The following RNF115 variants were observed in gnomAD, a reference collection of about 807,000 sequenced individuals.
The protein encoded by RNF115 is E3 ubiquitin-protein ligase RNF115.
Under a neutral mutation model 39.2 loss-of-function variants are expected in RNF115, and 31 were observed. That is an observed-to-expected ratio of 0.79 (90% confidence interval 0.59 to 1.07). The LOEUF is 1.07. Ranked by LOEUF, RNF115 falls within the 50% of genes least tolerant of loss-of-function variation. RNF115 has a pLI of 0.00. For missense variants in RNF115, 384 were observed against 381.7 expected (o/e 1.01, Z -0.05); for synonymous variants, 124 against 131.0 (o/e 0.95, Z 0.37).
At chr1:145,783,319 A>T (rs1307045191) in intron 3 of RNF115, among the ~76,000 whole-genome samples, 1 of 152,240 alleles carries the variant, frequency 6.6e-6, no homozygotes, top group Non-Finnish European at 1.5e-5. Flanking sequence ...AGCACAGACC[A>T]TAAGCAGAAA....
intron 3 of RNF115, among the ~76,000 whole-genome samples, chr1:145,777,881 T>C (rs1186759150): frequency 1.3e-5 from 2 of 152,218 alleles, no homozygotes; most frequent in East Asian, 3.8e-4. Flanking sequence ...CAGAACTTGC[T>C]CTACACTAAC....
At chr1:145,807,250 G>A (rs1553721718) in intron 1 of RNF115, among the ~76,000 whole-genome samples, 1 of 152,124 alleles carries the variant, frequency 6.6e-6, no homozygotes, top group African/African-American at 2.4e-5. Flanking sequence ...TCACACTCAG[G>A]AATAGAAATA....
intron 2 of RNF115, among the ~76,000 whole-genome samples, chr1:145,787,557 G>A (rs782702212): frequency 1.0e-4 from 13 of 127,564 alleles, no homozygotes; most frequent in Non-Finnish European, 1.8e-4. Context: ...GGGCAAAAGA[G>A]TGAGACTCCG....
chr1:145,783,832 T>TAA, intron 3 of RNF115, among the ~76,000 whole-genome samples: 1 of 149,060 alleles, frequency 6.7e-6, no homozygotes, highest in East Asian at 1.9e-4. Flanking sequence ...TTTCTTTTTT[T>TAA]AAAAAAAAAA....
Position 145,744,139 on chromosome 1 carries a change from A to G in RNF115, c.*2727T>C, listed in dbSNP as rs1225416903. 1 of 152,282 alleles carries G rather than the reference A, an allele frequency of 6.6e-6. No homozygotes were observed. Among genetic ancestry groups the G allele is most frequent in the Non-Finnish European group, 1.5e-5 (1 of 68,050 alleles). The allele number at this position is 152,282 out of a possible 1,614,324, so 9.4% of individuals were successfully genotyped here. A position where few individuals can be genotyped will look rare whatever the true frequency, so the allele number is the denominator to read the frequency against. On this transcript the variant is annotated 3_prime_UTR_variant, in exon 9 of 9. Coordinates refer to ENST00000582693, the MANE Select transcript of RNF115 (RefSeq NM_014455.4). ...GGCATTGGTTCTCTATCTGTACGTA[A>G]AACTACAACTGCCTGTCCTGGCATC...
At chr1:145,747,414 G>C (rs868931800) in intron 8 of RNF115, among the ~76,000 whole-genome samples, 15 of 152,166 alleles carry the variant, frequency 9.9e-5, no homozygotes, top group Admixed American at 6.5e-4. Flanking sequence ...TACTTTGGGA[G>C]GCCGAGGCAG....
intron 1 of RNF115, among the ~76,000 whole-genome samples, chr1:145,801,499 A>G (rs984814339): frequency 1.3e-5 from 2 of 152,170 alleles, no homozygotes; most frequent in Non-Finnish European, 1.5e-5. Flanking sequence ...CAGGAGGCAG[A>G]GGTTGCAGTG....
chr1:145,799,019 C>A lies in RNF115; in HGVS notation c.103-10053G>T, dbSNP rs113943806. 2.7e-3 allele frequency among the ~76,000 whole-genome samples: 401 copies of A among 149,486 alleles called. 3 individuals carry two copies. Among genetic ancestry groups the A allele is most frequent in the African/African-American group, 9.1e-3 (374 of 40,948 alleles). ...GTTGATTTTGTATCCTGCAACTTTG[C>A]TGAATTCATTTATTAGTTATAACAG... On this transcript the variant is annotated intron_variant, in intron 1 of 8. Coordinates refer to ENST00000582693, the MANE Select transcript of RNF115 (RefSeq NM_014455.4).
chr1:145,794,773 T>C (rs1459036743), intron 1 of RNF115, among the ~76,000 whole-genome samples: 1 of 151,792 alleles, frequency 6.6e-6, no homozygotes, highest in Non-Finnish European at 1.5e-5. Flanking sequence ...ATTCTAGCAC[T>C]TTGGGAGGCC....
At chr1:145,784,666 G>T in intron 2 of RNF115, 70 bp from the exon 3 acceptor site, 1 of 1,351,644 alleles carries the variant, frequency 7.4e-7, no homozygotes, top group South Asian at 1.2e-5. Flanking sequence ...GCTAAATATA[G>T]AATGGCATAA....
At chr1:145,803,353 T>C (rs1649331289) in intron 1 of RNF115, among the ~76,000 whole-genome samples, 1 of 152,126 alleles carries the variant, frequency 6.6e-6, no homozygotes, top group African/African-American at 2.4e-5. Context: ...TATGGTTTCA[T>C]CCCCCTAAGA....
At position 145,810,659 on chromosome 1, in the gene RNF115, T is replaced by C. The variant is rs1220908008; in HGVS notation, c.102+13113A>G. Among the ~76,000 whole-genome samples, 5 of 142,230 alleles carry C rather than the reference T, an allele frequency of 3.5e-5. No homozygotes were observed. In the South Asian group the frequency reaches 1.2e-3, roughly 33 times the overall value. The allele number at this position is 142,230 out of a possible 152,430, so 93.3% of individuals were successfully genotyped here. ...GTGCCCCGGGACTTAAAATAAAAGT[T>C]GCAGAAAAAAAAAAAAGTGTTACTG... On this transcript the variant is annotated intron_variant, in intron 1 of 8. Transcript: ENST00000582693.
intron 3 of RNF115, among the ~76,000 whole-genome samples, chr1:145,779,841 T>G (rs1648045143): frequency 6.6e-6 from 1 of 151,942 alleles, no homozygotes; most frequent in Non-Finnish European, 1.5e-5. Flanking sequence ...TTTTGTATTT[T>G]TAGTAAAGAC....
At chr1:145,803,933 A>G (rs1402777921) in intron 1 of RNF115, among the ~76,000 whole-genome samples, 1 of 152,228 alleles carries the variant, frequency 6.6e-6, no homozygotes, top group Non-Finnish European at 1.5e-5. Flanking sequence ...CTCAGACAAC[A>G]TAATATAGCA....
chr1:145,804,204 A>T (rs1649368149), intron 1 of RNF115, among the ~76,000 whole-genome samples: 1 of 152,218 alleles, frequency 6.6e-6, no homozygotes, highest in African/African-American at 2.4e-5. Context: ...AGAAAGAAAA[A>T]TAACCTGGGA....
In RNF115 at chr1:145,748,181, C is replaced by A. The variant is rs587690292; in HGVS notation, c.668-71G>T. 1.6e-3 allele frequency: 1,599 copies of A among 981,306 alleles called. 7 individuals carry two copies. The highest frequency in any genetic ancestry group is 5.5e-3 in the South Asian group (414 of 75,738). 60.8% of individuals were successfully genotyped at this position (981,306 alleles called of 1,614,324 possible). On this transcript the variant is annotated intron_variant, in intron 7 of 8. Transcript: ENST00000582693. ...AGAAGAAAAAACTAACCCAATGTCT[C>A]TACCAACCCTACGAATGCATAAAGA...
At chr1:145,784,819 G>GA (rs1437053830) in intron 2 of RNF115, among the ~76,000 whole-genome samples, 1 of 152,106 alleles carries the variant, frequency 6.6e-6, no homozygotes, top group Non-Finnish European at 1.5e-5. Flanking sequence ...TAAATCCAGT[G>GA]AAAAATTGGA....
At chr1:145,767,923 GCA>G (rs1266481594) in intron 4 of RNF115, among the ~76,000 whole-genome samples, 1 of 148,844 alleles carries the variant, frequency 6.7e-6, no homozygotes, top group Non-Finnish European at 1.5e-5. Flanking sequence ...GATGGCAGCA[GCA>G]CAGTCCAGCT....
chr1:145,761,507 G>C (rs1456581076), intron 4 of RNF115, among the ~76,000 whole-genome samples: 1 of 152,258 alleles, frequency 6.6e-6, no homozygotes, highest in Non-Finnish European at 1.5e-5. Context: ...TTCAGAGAGT[G>C]CAAGCCCAAA....
Sources: allele counts gnomAD v4.1 joint callset (sites outside exome capture counted in the v4.1 genomes callset), GRCh38; gene constraint gnomAD v4.1.1; transcripts MANE v1.5; gene names NCBI Gene and HGNC (gene_info 2026-07-23, HGNC 2026-07-21).